The following APBB2 variants were observed in gnomAD, a reference collection of about 807,000 sequenced individuals.
APBB2 encodes amyloid beta precursor protein binding family B member 2, also known as Fe65-like 1.
A neutral mutation model predicts 82.5 loss-of-function variants in APBB2; 38 were observed. That is an observed-to-expected ratio of 0.46 (90% confidence interval 0.36 to 0.60). APBB2 has a LOEUF of 0.60. Among genes scored for constraint, APBB2 ranks in the 20% least tolerant of loss-of-function variants. APBB2 has a pLI of 0.00. For missense variants in APBB2, 772 were observed against 972.3 expected (o/e 0.79, Z 2.74); for synonymous variants, 341 against 368.2 (o/e 0.93, Z 0.85).
intron 11 of APBB2, chr4:40,892,337 T>C (rs1226765139): frequency 6.6e-6 from 1 of 152,222 alleles, no homozygotes; most frequent in Non-Finnish European, 1.5e-5. Context: ...TTTTCTTGGA[T>C]GGAAGAAAAT....
chr4:41,001,280 T>C (rs1400337877), intron 6 of APBB2, among the ~76,000 whole-genome samples: 2 of 152,172 alleles, frequency 1.3e-5, no homozygotes, highest in African/African-American at 4.8e-5. Flanking sequence ...AGAGATTAAA[T>C]AGACTTTCAT....
At chr4:41,087,592 C>T (rs1304299583) in intron 3 of APBB2, among the ~76,000 whole-genome samples, 1 of 151,870 alleles carries the variant, frequency 6.6e-6, no homozygotes, top group Non-Finnish European at 1.5e-5. Flanking sequence ...CCATGACTGG[C>T]TAATTTTTTT....
At chr4:41,136,604 T>A (rs1321243266) in intron 2 of APBB2, among the ~76,000 whole-genome samples, 1 of 152,172 alleles carries the variant, frequency 6.6e-6, no homozygotes, top group African/African-American at 2.4e-5. Flanking sequence ...AGGAAGCAGA[T>A]AAGCCATCCT....
intron 6 of APBB2, among the ~76,000 whole-genome samples, chr4:40,984,435 G>C (rs1181860860): frequency 6.6e-6 from 1 of 152,078 alleles, no homozygotes; most frequent in Non-Finnish European, 1.5e-5. Context: ...TTGGGATTTT[G>C]AAAGAAGTTA....
intron 6 of APBB2, among the ~76,000 whole-genome samples, chr4:40,957,653 G>T (rs998833804): frequency 1.3e-5 from 2 of 150,794 alleles, no homozygotes; most frequent in African/African-American, 4.9e-5. Context: ...GTGCGATCTC[G>T]GCTCACTGCA....
chr4:41,126,409 A>G (rs1580252573), intron 2 of APBB2, among the ~76,000 whole-genome samples: 1 of 152,054 alleles, frequency 6.6e-6, no homozygotes, highest in South Asian at 2.1e-4. Context: ...TAAACAACAG[A>G]AGAAAATGAT....
chr4:41,211,310 C>T (rs1257251685), intron 1 of APBB2, among the ~76,000 whole-genome samples: 1 of 151,774 alleles, frequency 6.6e-6, no homozygotes, highest in Non-Finnish European at 1.5e-5. Context: ...GGTTTCCTAA[C>T]CCCATGTAGG....
intron 6 of APBB2, among the ~76,000 whole-genome samples, chr4:40,989,760 G>C (rs561044638): frequency 3.9e-5 from 6 of 152,136 alleles, no homozygotes; most frequent in Non-Finnish European, 8.8e-5. Flanking sequence ...GAGCCTCGTC[G>C]GAAGGGGAAT....
At chr4:41,086,217 G>C (rs67441868) in intron 3 of APBB2, among the ~76,000 whole-genome samples, 6,109 of 152,168 alleles carry the variant, frequency 0.04, 196 homozygotes, top group Non-Finnish European at 0.065. Context: ...AGAGTAGACA[G>C]CTTCACAGCC....
At chr4:41,069,761 A>C (rs1258379326) in intron 3 of APBB2, among the ~76,000 whole-genome samples, 4 of 152,250 alleles carry the variant, frequency 2.6e-5, no homozygotes, top group African/African-American at 9.6e-5. Context: ...TGGTGAGAAC[A>C]GAAATAGTCT....
chr4:41,048,764 A>G (rs1325143385), intron 4 of APBB2, among the ~76,000 whole-genome samples: 1 of 150,526 alleles, frequency 6.6e-6, no homozygotes, highest in Non-Finnish European at 1.5e-5. Flanking sequence ...GCTCACTGCA[A>G]CCTCCCTGCC....
chr4:41,020,892 T>G (rs1350475692), intron 5 of APBB2, among the ~76,000 whole-genome samples: 1 of 152,110 alleles, frequency 6.6e-6, no homozygotes, highest in Non-Finnish European at 1.5e-5. Flanking sequence ...GGAAGAGTGT[T>G]GTTTTTACAC....
chr4:41,028,576 C>A (rs547922517), intron 5 of APBB2, among the ~76,000 whole-genome samples: 1 of 152,332 alleles, frequency 6.6e-6, no homozygotes, highest in East Asian at 1.9e-4. Context: ...GCCCTAATGA[C>A]TGAATCCCTA....
rs1715487314 is a variant in APBB2 at position 41,028,678 on chromosome 4, TTC to T, written c.19+4556_19+4557del. Among the ~76,000 whole-genome samples, 6 of 152,354 alleles carry T rather than the reference TTC, an allele frequency of 3.9e-5. No individual in the cohort carries two copies. The South Asian group carries it at 1.2e-3, about 32-fold the overall frequency. ...TGCCTAAGCCACTTGGAGCTAGGTT[TTC>T]TCTGTTTTGCAACTAAAAGAGCCCT... is the stretch of plus-strand genomic sequence containing the variant. On this transcript the variant is annotated intron_variant, in intron 5 of 17. Transcript: ENST00000508593.
At chr4:40,895,406 TACAC>T (rs1773382952) in intron 10 of APBB2, among the ~76,000 whole-genome samples, 1 of 152,204 alleles carries the variant, frequency 6.6e-6, no homozygotes, top group Non-Finnish European at 1.5e-5. Context: ...TGCACATGTA[TACAC>T]ACTGCAGGGA....
At chr4:41,107,090 A>T (rs28692889) in intron 2 of APBB2, among the ~76,000 whole-genome samples, 30,737 of 152,024 alleles carry the variant, frequency 0.2, 3,264 homozygotes, top group African/African-American at 0.26. Flanking sequence ...CAGGCAGATC[A>T]CTTGAAGCCA....
chr4:41,093,680 C>A (rs1742541860), intron 3 of APBB2, among the ~76,000 whole-genome samples: 1 of 151,970 alleles, frequency 6.6e-6, no homozygotes, highest in Admixed American at 6.6e-5. Context: ...ATGGAGAAAC[C>A]CCCACTTCTA....
intron 7 of APBB2, among the ~76,000 whole-genome samples, chr4:40,938,760 A>G (rs764939169): frequency 3.3e-5 from 5 of 152,238 alleles, no homozygotes; most frequent in Admixed American, 6.5e-5. Context: ...CCACAGTGGC[A>G]GTGACAGAAG....
At chr4:40,970,721 T>G (rs1425210625) in intron 6 of APBB2, among the ~76,000 whole-genome samples, 2 of 152,054 alleles carry the variant, frequency 1.3e-5, no homozygotes, top group African/African-American at 4.8e-5. Context: ...CCAGGCACAC[T>G]AAGTGACCTG....
Sources: allele counts gnomAD v4.1 joint callset (sites outside exome capture counted in the v4.1 genomes callset), GRCh38; gene constraint gnomAD v4.1.1; transcripts MANE v1.5; gene names NCBI Gene and HGNC (gene_info 2026-07-23, HGNC 2026-07-21).